Variants in SHISA6 observed in about 807,000 individuals in gnomAD.
The protein encoded by SHISA6 is shisa family member 6, also known as protein shisa-6.
Under a neutral mutation model 47.9 loss-of-function variants are expected in SHISA6, and 22 were observed. The observed-to-expected ratio is 0.46, with a 90% confidence interval of 0.33 to 0.66. The LOEUF is 0.66. Among genes scored for constraint, SHISA6 ranks in the 30% least tolerant of loss-of-function variants. SHISA6 has a pLI of 0.02. For synonymous variants in SHISA6, 388 were observed against 337.8 expected, an observed-to-expected ratio of 1.15 and a Z score of -1.63; for missense variants, 680 against 764.6, an observed-to-expected ratio of 0.89 and a Z score of 1.30.
intron 3 of SHISA6, among the ~76,000 whole-genome samples, chr17:11,532,130 G>A (rs2071739399): frequency 6.6e-6 from 1 of 152,312 alleles, no homozygotes; most frequent in African/African-American, 2.4e-5. Context: ...GAAAATTGAA[G>A]CAGGAGAAGT....
At chr17:11,337,339 C>T (rs1330062670) in intron 2 of SHISA6, among the ~76,000 whole-genome samples, 1 of 152,114 alleles carries the variant, frequency 6.6e-6, no homozygotes, top group Admixed American at 6.5e-5. Context: ...TGTAGCATGT[C>T]CCACTGGAGG....
At chr17:11,551,501 C>A (rs1423628471) in intron 3 of SHISA6, among the ~76,000 whole-genome samples, 2 of 152,108 alleles carry the variant, frequency 1.3e-5, no homozygotes, top group Non-Finnish European at 2.9e-5. Flanking sequence ...TTTTGGTTAA[C>A]CACACCCTAA....
At chr17:11,549,288 C>T (rs1242505812) in intron 3 of SHISA6, among the ~76,000 whole-genome samples, 2 of 152,152 alleles carry the variant, frequency 1.3e-5, no homozygotes, top group African/African-American at 4.8e-5. Context: ...CATCCTTGTA[C>T]TTAACTTAAA....
At chr17:11,275,416 A>T (rs1331866974) in intron 2 of SHISA6, among the ~76,000 whole-genome samples, 1 of 151,890 alleles carries the variant, frequency 6.6e-6, no homozygotes. Context: ...GCAAGATGGG[A>T]CTCCAGATTC....
chr17:11,281,782 A>G (rs1374165644), intron 2 of SHISA6, among the ~76,000 whole-genome samples: 1 of 152,220 alleles, frequency 6.6e-6, no homozygotes, highest in Non-Finnish European at 1.5e-5. Flanking sequence ...TTAAACTACA[A>G]GTTCAATTTT....
At chr17:11,528,453 A>G (rs528073908) in intron 3 of SHISA6, among the ~76,000 whole-genome samples, 195 of 152,362 alleles carry the variant, frequency 1.3e-3, no homozygotes, top group African/African-American at 4.4e-3. Context: ...ATATACACGC[A>G]TGTATAAAAA....
chr17:11,422,553 A>C (rs2142282517), intron 3 of SHISA6, among the ~76,000 whole-genome samples: 1 of 152,262 alleles, frequency 6.6e-6, no homozygotes, highest in East Asian at 1.9e-4. Flanking sequence ...GGAGTTTGAG[A>C]CCAGCCTGGC....
intron 2 of SHISA6, among the ~76,000 whole-genome samples, chr17:11,316,043 A>G (rs976354976): frequency 1.5e-4 from 23 of 152,152 alleles, no homozygotes; most frequent in African/African-American, 5.1e-4. Flanking sequence ...CTCTTTGCCT[A>G]TCTGCTCATT....
intron 3 of SHISA6, among the ~76,000 whole-genome samples, chr17:11,538,864 G>A (rs998406): frequency 0.061 from 9,285 of 152,230 alleles, 371 homozygotes; most frequent in Middle Eastern, 0.089. Context: ...ATTCTGGAGT[G>A]TGGTGATCAG....
intron 2 of SHISA6, chr17:11,289,802 G>A (rs1441520465): frequency 6.6e-6 from 1 of 151,580 alleles, no homozygotes; most frequent in African/African-American, 2.4e-5. Context: ...TTTTTGTTTT[G>A]TATCACTGAG....
intron 2 of SHISA6, among the ~76,000 whole-genome samples, chr17:11,350,182 A>ATTTATTTTTTTTTT (rs964679787): frequency 2.2e-3 from 259 of 116,206 alleles, no homozygotes; most frequent in Non-Finnish European, 3.9e-3. Context: ...TTATTTATTT[A>ATTTATTTTTTTTTT]TTTTTTTTTT....
chr17:11,449,725 C>G (rs1299230145), intron 3 of SHISA6, among the ~76,000 whole-genome samples: 2 of 152,174 alleles, frequency 1.3e-5, no homozygotes, highest in Admixed American at 6.5e-5. Flanking sequence ...GGCCAGAAAC[C>G]TCCACACCTG....
intron 2 of SHISA6, among the ~76,000 whole-genome samples, chr17:11,334,102 G>C (rs969902290): frequency 6.6e-6 from 1 of 152,134 alleles, no homozygotes; most frequent in Admixed American, 6.5e-5. Context: ...AAATTACTGA[G>C]CATGAAGATG....
intron 3 of SHISA6, among the ~76,000 whole-genome samples, chr17:11,489,731 C>T (rs1458641052): frequency 6.6e-6 from 1 of 152,148 alleles, no homozygotes; most frequent in Non-Finnish European, 1.5e-5. Context: ...GCCAGTTTTG[C>T]ACCCCAGAGA....
chr17:11,521,538 C>T (rs1424944729), intron 3 of SHISA6, among the ~76,000 whole-genome samples: 3 of 152,144 alleles, frequency 2.0e-5, no homozygotes, highest in African/African-American at 4.8e-5. Flanking sequence ...AATCTCAGCA[C>T]TTTGGGAAGC....
intron 3 of SHISA6, among the ~76,000 whole-genome samples, chr17:11,421,538 C>T (rs537803782): frequency 3.1e-4 from 47 of 152,328 alleles, no homozygotes; most frequent in African/African-American, 1.1e-3. Flanking sequence ...TCGCTGTCTC[C>T]ATTTTACCCA....
chr17:11,462,847 C>T (rs747206699), intron 3 of SHISA6, among the ~76,000 whole-genome samples: 1 of 152,074 alleles, frequency 6.6e-6, no homozygotes. Flanking sequence ...AGGCTGGTCT[C>T]GAACTTCTGA....
chr17:11,294,602 T>C (rs1909678680), intron 2 of SHISA6, among the ~76,000 whole-genome samples: 1 of 148,690 alleles, frequency 6.7e-6, no homozygotes, highest in Non-Finnish European at 1.5e-5. Flanking sequence ...TTCATAGCTT[T>C]ATTTTTCTAC....
intron 3 of SHISA6, among the ~76,000 whole-genome samples, chr17:11,431,198 C>T (rs1914762399): frequency 6.6e-6 from 1 of 152,174 alleles, no homozygotes; most frequent in Admixed American, 6.5e-5. Flanking sequence ...TCATGTCTCC[C>T]CACTCTCCTC....
Sources: allele counts gnomAD v4.1 joint callset (sites outside exome capture counted in the v4.1 genomes callset), GRCh38; gene constraint gnomAD v4.1.1; transcripts MANE v1.5; gene names NCBI Gene and HGNC (gene_info 2026-07-23, HGNC 2026-07-21).